RSL1D1: variants seen among roughly 807,000 people sequenced by gnomAD.
RSL1D1 encodes ribosomal L1 domain-containing protein 1.
Under a neutral mutation model 44.6 loss-of-function variants are expected in RSL1D1, and 34 were observed. The observed-to-expected ratio is 0.76, with a 90% CI of 0.58 to 1.02. The LOEUF (loss-of-function observed/expected upper bound fraction) is 1.02, where lower values mean the gene tolerates loss of function less well. Among genes scored for constraint, RSL1D1 ranks in the 50% least tolerant of loss-of-function variants. The pLI is 0.00. For synonymous variants in RSL1D1, 271 were observed against 207.4 expected (o/e 1.31, Z -2.63); for missense variants, 767 against 568.1 (o/e 1.35, Z -3.56).
chr16:11,834,757 A>G lies in RSL1D1; in HGVS notation c.*3030T>C, dbSNP rs1021573539. ...GCCCAAAAGGACAGTGGGGTTACAA[A>G]TAATTTTATATTTTAGATGCTTTCA... On this transcript the variant is annotated 3_prime_UTR_variant, in exon 9 of 9. Transcript: ENST00000571133. 7.2e-5 allele frequency: 11 copies of G among 152,272 alleles called. No individual in the cohort carries two copies. The highest frequency in any genetic ancestry group is 3.2e-3 in the Middle Eastern group (1 of 316). 9.4% of individuals were successfully genotyped at this position (152,272 alleles called of 1,614,324 possible). A position where few individuals can be genotyped will look rare whatever the true frequency, so the allele number is the denominator to read the frequency against.
rs575401233 is a variant in RSL1D1 at position 11,851,182 on chromosome 16, C to G, written c.105+226G>C. On this transcript the variant is annotated intron_variant, in intron 1 of 8. Transcript: ENST00000571133. ...GCCAGGTCTATCTCATCTAGCTCCACAGCACACTTGCAACCCAATTCACTA... is the reference window on the plus strand; with the variant it reads ...GCCAGGTCTATCTCATCTAGCTCCAGAGCACACTTGCAACCCAATTCACTA... The G allele has an allele frequency of 1.2e-3, 692 of 597,964 alleles. 1 individual carries two copies. Among genetic ancestry groups the G allele is most frequent in the South Asian group, 2.3e-3 (125 of 53,824 alleles). 37.0% of individuals were successfully genotyped at this position (597,964 alleles called of 1,614,324 possible).
At chr16:11,846,412 AC>A in intron 5 of RSL1D1, 88 bp downstream of exon 5, 1 of 792,750 alleles carries the variant, frequency 1.3e-6, no homozygotes. Context: ...AAAAACAAAA[AC>A]AAAAAACAAA....
chr16:11,847,375 A>T (rs774723572), intron 3 of RSL1D1, among the ~76,000 whole-genome samples: 2 of 152,120 alleles, frequency 1.3e-5, no homozygotes, highest in Non-Finnish European at 2.9e-5. Flanking sequence ...ACTCCAAACA[A>T]ACAAAAAAAC....
chr16:11,850,190 G>C, intron 2 of RSL1D1, 89 bp downstream of exon 2: 1 of 1,294,292 alleles, frequency 7.7e-7, no homozygotes, highest in East Asian at 2.6e-5. Context: ...AGTTTGCAAA[G>C]TTTCCATTAG....
chr16:11,839,813 T>G lies in RSL1D1; in HGVS notation c.1028A>C (p.His343Pro), dbSNP rs758149376. The stretch of plus-strand genomic sequence containing the variant: ...TCCTCTGCCACGTTTTTTCTTCCCA[T>G]GCTCTGGGGTCTGTTCCTTCTTTGA... ...PESKKEQTPEHGKKKRGRGKA... is the reference protein window; with the variant it reads ...PESKKEQTPEPGKKKRGRGKA... Residue 343 changes from histidine to proline, a missense_variant, in exon 8 of 9, where the codon CAT becomes CCT. Physicochemically the swap from His to Pro is moderately conservative, Grantham distance 77 (BLOSUM62 -2). Transcript: ENST00000571133. 6.2e-7 allele frequency: 1 copy of G among 1,614,208 alleles called. No homozygotes were observed. Among genetic ancestry groups the G allele is most frequent in the Non-Finnish European group, 8.5e-7 (1 of 1,180,044 alleles).
chr16:11,835,636 G>C lies in RSL1D1; in HGVS notation c.*2151C>G, dbSNP rs1049638933. 7 of 152,350 alleles carry C rather than the reference G, an allele frequency of 4.6e-5. No individual in the cohort carries two copies. The highest frequency in any genetic ancestry group is 1.7e-4 in the African/African-American group (7 of 41,524). The allele number at this position is 152,350 out of a possible 1,614,324, so 9.4% of individuals were successfully genotyped here. On this transcript the variant is annotated 3_prime_UTR_variant, in exon 9 of 9. Coordinates refer to ENST00000571133, the MANE Select transcript of RSL1D1 (RefSeq NM_015659.3). ...AGCCTCCCAAGAAGCTGGGACCACAGGCATGTTCCACCACACCCAGCTTAT... is the reference window on the plus strand; with the variant it reads ...AGCCTCCCAAGAAGCTGGGACCACACGCATGTTCCACCACACCCAGCTTAT...
intron 5 of RSL1D1, among the ~76,000 whole-genome samples, chr16:11,843,183 C>T (rs2053774941): frequency 6.6e-6 from 1 of 151,508 alleles, no homozygotes; most frequent in South Asian, 2.1e-4. Context: ...GATCCGCCTG[C>T]CTCGGCCTCT....
At position 11,837,930 on chromosome 16, in the gene RSL1D1, G is replaced by A. The variant is rs1246199677; in HGVS notation, c.1330C>T (p.Pro444Ser). 3 of 1,614,046 alleles carry A rather than the reference G, an allele frequency of 1.9e-6. No homozygotes were observed. The highest frequency in any genetic ancestry group is 2.2e-5 in the South Asian group (2 of 91,070). ...IKEEAVKEKS[P>S]SLGKKDARQT... Reference sequence around the variant, plus strand: ...CTCGCATCTTTTTTCCCCAGCGAAGGACTTTTTTCCTTCACTGCCTCTTCT... The same window carrying A: ...CTCGCATCTTTTTTCCCCAGCGAAGAACTTTTTTCCTTCACTGCCTCTTCT... The change falls in exon 9 of 9, where the codon CCT becomes TCT. Residue 444 changes from proline (P) to serine (S), a missense_variant. Coordinates refer to ENST00000571133, the MANE Select transcript of RSL1D1 (RefSeq NM_015659.3).
chr16:11,846,163 C>T (rs986894836), intron 5 of RSL1D1, among the ~76,000 whole-genome samples: 31 of 151,652 alleles, frequency 2.0e-4, no homozygotes, highest in African/African-American at 7.2e-4. Flanking sequence ...GAGGCCAAGG[C>T]GGGCGGATCA....
At chr16:11,838,866 A>AC (rs1199033106) in intron 8 of RSL1D1, among the ~76,000 whole-genome samples, 4 of 150,610 alleles carry the variant, frequency 2.7e-5, no homozygotes, top group African/African-American at 9.8e-5. Flanking sequence ...CAAAAAAAAA[A>AC]AACAAAAAAA....
chr16:11,846,394 C>CA (rs374311615), intron 5 of RSL1D1, 107 bp downstream of exon 5: 146,663 of 504,422 alleles, frequency 0.29, 3,167 homozygotes, highest in Non-Finnish European at 0.32. Flanking sequence ...GACTCCATCT[C>CA]AAAAAAAAAA....
At chr16:11,847,579 T>C (rs1415693735) in intron 3 of RSL1D1, 89 bp downstream of exon 3, 1 of 1,103,440 alleles carries the variant, frequency 9.1e-7, no homozygotes, top group Admixed American at 2.3e-5. Context: ...AGAAGAAAAA[T>C]ACTAGGAAAT....
In RSL1D1 at chr16:11,847,834, G is replaced by A. The variant is rs748072297; in HGVS notation, c.246-28C>T. On this transcript the variant is annotated intron_variant, in intron 2 of 8. Coordinates refer to ENST00000571133, the MANE Select transcript of RSL1D1 (RefSeq NM_015659.3). ...ACAAAATACGTGAAAAGAAACCGAGGAAAGCATTATTACACACATTATGCA... is the reference window on the plus strand; with the variant it reads ...ACAAAATACGTGAAAAGAAACCGAGAAAAGCATTATTACACACATTATGCA... 5.0e-6 allele frequency: 8 copies of A among 1,607,724 alleles called. No homozygotes were observed. The Admixed American group carries it at 1.0e-4, about 20-fold the overall frequency.
chr16:11,841,836 G>C lies in RSL1D1; in HGVS notation c.730-16C>G, dbSNP rs374379705. On this transcript the variant is annotated splice_polypyrimidine_tract_variant and intron_variant, in intron 6 of 8. Transcript: ENST00000571133. ...TCTCCCACTTCTGAAACAAAGAAAA[G>C]AGTAACATCGTCTACATATACTTTG... 5 of 1,608,918 alleles carry C rather than the reference G, an allele frequency of 3.1e-6. No homozygotes were observed. Among genetic ancestry groups the C allele is most frequent in the African/African-American group, 1.3e-5 (1 of 74,854 alleles).
rs1324560398 is a variant in RSL1D1 at position 11,839,753 on chromosome 16, T to C, written c.1088A>G (p.Asp363Gly). The change falls in exon 8 of 9, where the codon GAC becomes GGC. Residue 363 changes from aspartate (D) to glycine (G), a missense_variant. Asp to Gly is a moderately conservative substitution (Grantham distance 94, BLOSUM62 -1). Transcript: ENST00000571133. ...AQVKATNESEDEIPQLVPIGK... is the reference protein window; with the variant it reads ...AQVKATNESEGEIPQLVPIGK... ...TATTGGTACCAGCTGTGGGATTTCGTCTTCGGATTCATTTGTTGCTTTAAC... is the reference window on the plus strand; with the variant it reads ...TATTGGTACCAGCTGTGGGATTTCGCCTTCGGATTCATTTGTTGCTTTAAC... 2 of 1,614,158 alleles carry C rather than the reference T, an allele frequency of 1.2e-6. No individual in the cohort carries two copies. Among genetic ancestry groups the C allele is most frequent in the Non-Finnish European group, 1.7e-6 (2 of 1,180,044 alleles).
chr16:11,837,990 G>C lies in RSL1D1; in HGVS notation c.1270C>G (p.Pro424Ala). 1 of 1,613,820 alleles carries C rather than the reference G, an allele frequency of 6.2e-7. No homozygotes were observed. Among genetic ancestry groups the C allele is most frequent in the South Asian group, 1.1e-5 (1 of 91,054 alleles). Residue 424 changes from proline to alanine, a missense_variant, in exon 9 of 9, where the codon CCA becomes GCA. Coordinates refer to ENST00000571133, the MANE Select transcript of RSL1D1 (RefSeq NM_015659.3). The part of the protein sequence containing the change: ...ETPKAAESET[P>A]GKSPEKKPKI... ...GGCTTCTTCTCTGGGCTTTTCCCTG[G>C]GGTCTCAGACTCTGCAGCTTTTGGG...
chr16:11,847,848 A>C, intron 2 of RSL1D1, 42 bp from the exon 3 acceptor site: 1 of 1,583,384 alleles, frequency 6.3e-7, no homozygotes, highest in Non-Finnish European at 8.7e-7. Context: ...GCATTATTAC[A>C]CACATTATGC....
At chr16:11,843,293 A>G (rs900506064) in intron 5 of RSL1D1, among the ~76,000 whole-genome samples, 6 of 151,338 alleles carry the variant, frequency 4.0e-5, no homozygotes, top group African/African-American at 9.7e-5. Context: ...CTGGTCTCAA[A>G]CACCTGCCCT....
chr16:11,850,546 C>G (rs1246726466), intron 1 of RSL1D1, 128 bp from the exon 2 acceptor site: 2 of 873,762 alleles, frequency 2.3e-6, no homozygotes, highest in Non-Finnish European at 3.5e-6. Flanking sequence ...CTTCCAACTT[C>G]TATTTCAAGG....
Sources: allele counts gnomAD v4.1 joint callset (sites outside exome capture counted in the v4.1 genomes callset), GRCh38; gene constraint gnomAD v4.1.1; transcripts MANE v1.5; gene names NCBI Gene and HGNC (gene_info 2026-07-23, HGNC 2026-07-21).